The following COL12A1 variants were observed in gnomAD, a reference collection of about 807,000 sequenced individuals.
COL12A1 encodes the protein collagen type XII alpha 1 chain.
In COL12A1, 114 loss-of-function variants were observed where a neutral mutation model predicts 349.7. The ratio of observed to expected loss-of-function variants is 0.33; its 90% CI spans 0.28 to 0.38. The LOEUF (loss-of-function observed/expected upper bound fraction) is 0.38, where lower values mean the gene tolerates loss of function less well. Ranked by LOEUF, COL12A1 falls within the 10% of genes least tolerant of loss-of-function variation. The pLI is 1.00. For missense variants in COL12A1, 3,284 were observed against 3,756.9 expected (o/e 0.87, Z 3.29); for synonymous variants, 1,369 against 1,329.0 (o/e 1.03, Z -0.66).
In COL12A1 at chr6:75,189,369, T is replaced by A. The variant is rs1329234707; in HGVS notation, c.671A>T (p.Asp224Val). The change falls in exon 7 of 66, where the codon GAT becomes GTT. Residue 224 changes from aspartate (D) to valine (V), a missense_variant. Transcript: ENST00000322507. ...GGNTMTGDAI[D>V]YLVKNTFTES... is the part of the protein sequence containing the mutation. The stretch of plus-strand genomic sequence containing the variant: ...CGTGAAAGTATTTTTAACTAAATAA[T>A]CAATGGCATCCCCTAAAGGGAAAAG... 6.2e-7 allele frequency: 1 copy of A among 1,612,604 alleles called. No homozygotes were observed. Among genetic ancestry groups the A allele is most frequent in the South Asian group, 1.1e-5 (1 of 90,984 alleles).
At position 75,130,202 on chromosome 6, in the gene COL12A1, G is replaced by C. The variant is rs1562178802; in HGVS notation, c.6099C>G (p.Val2033=). 1 of 1,613,942 alleles carries C rather than the reference G, an allele frequency of 6.2e-7. No individual in the cohort carries two copies. The highest frequency in any genetic ancestry group is 1.1e-5 in the South Asian group (1 of 91,032). The stretch of plus-strand genomic sequence containing the variant: ...AGAGGCTATTGGTTGTTTCACCAAA[G>C]ACTCTCAGGTTCCTTGGTCCACTGC... ...LPRSGPRNLR[V]FGETTNSLSV... is the part of the protein sequence containing the mutation. Residue 2033 remains valine (V), a synonymous_variant, in exon 37 of 66, where the codon GTC becomes GTG. Coordinates refer to ENST00000322507, the MANE Select transcript of COL12A1 (RefSeq NM_004370.6).
chr6:75,151,703 A>G (rs1043485367), intron 20 of COL12A1, among the ~76,000 whole-genome samples, 164 bp downstream of exon 20: 1 of 152,198 alleles, frequency 6.6e-6, no homozygotes, highest in Non-Finnish European at 1.5e-5. Context: ...CCCCAAAAAA[A>G]GAAGAAAAAA....
chr6:75,150,528 A>G (rs1767428277), intron 21 of COL12A1, among the ~76,000 whole-genome samples: 1 of 152,204 alleles, frequency 6.6e-6, no homozygotes, highest in African/African-American at 2.4e-5. Context: ...TTTAGGGATT[A>G]TAAGTGTAAA....
chr6:75,166,270 T>C (rs1332162681), intron 13 of COL12A1, among the ~76,000 whole-genome samples: 2 of 152,192 alleles, frequency 1.3e-5, no homozygotes, highest in Non-Finnish European at 2.9e-5. Flanking sequence ...CTCATATCAC[T>C]TACAAAACTT....
rs148514003 is a variant in COL12A1, at chr6:75,198,954, G to A, written c.73+3766C>T. ...GTGATGAGTTAACTATATTCTATAG[G>A]CATTAATTTACATTTGCCATGCAAA... On this transcript the variant is annotated intron_variant, in intron 2 of 65. Transcript: ENST00000322507. Among the ~76,000 whole-genome samples, 809 of 152,146 alleles carry A rather than the reference G, an allele frequency of 5.3e-3. 8 individuals are homozygous for A. The highest frequency in any genetic ancestry group is 0.018 in the African/African-American group (763 of 41,508).
chr6:75,134,049 A>G (rs1302593354), intron 32 of COL12A1, 52 bp from the exon 33 acceptor site: 5 of 1,569,910 alleles, frequency 3.2e-6, no homozygotes, highest in Non-Finnish European at 4.3e-6. Context: ...TCAAGCACAC[A>G]TGAAACACAG....
intron 8 of COL12A1, among the ~76,000 whole-genome samples, chr6:75,185,637 C>G (rs1461457859): frequency 1.3e-5 from 2 of 152,080 alleles, no homozygotes; most frequent in Non-Finnish European, 2.9e-5. Context: ...TCATATGGAA[C>G]AAAAAAGAAT....
At chr6:75,157,877 A>G (rs1460228993) in intron 14 of COL12A1, among the ~76,000 whole-genome samples, 1 of 152,134 alleles carries the variant, frequency 6.6e-6, no homozygotes, top group Admixed American at 6.6e-5. Flanking sequence ...AAACCTCACA[A>G]CTGTAGGGAG....
intron 21 of COL12A1, among the ~76,000 whole-genome samples, chr6:75,149,724 T>C (rs1352605540): frequency 1.3e-5 from 2 of 152,176 alleles, no homozygotes; most frequent in Non-Finnish European, 2.9e-5. Flanking sequence ...GCCTTTCCAT[T>C]CTTAGTATCT....
intron 2 of COL12A1, among the ~76,000 whole-genome samples, chr6:75,196,018 CT>C (rs1770211194): frequency 6.6e-6 from 1 of 152,152 alleles, no homozygotes; most frequent in African/African-American, 2.4e-5. Flanking sequence ...GAAATGTTGA[CT>C]TGTTTTTAGT....
intron 35 of COL12A1, 130 bp downstream of exon 35, chr6:75,131,810 A>G (rs1766311822): frequency 1.9e-6 from 2 of 1,036,872 alleles, no homozygotes; most frequent in Admixed American, 5.7e-5. Flanking sequence ...ACCTCAAGTC[A>G]TCAAAAACAA....
intron 56 of COL12A1, 145 bp downstream of exon 56, chr6:75,102,452 C>T: frequency 1.9e-6 from 1 of 521,298 alleles, no homozygotes; most frequent in South Asian, 5.0e-5. Context: ...TCTAAAATAA[C>T]AGTCATCATA....
At chr6:75,180,751 GT>G (rs1413367779) in intron 11 of COL12A1, among the ~76,000 whole-genome samples, 187 bp downstream of exon 11, 5 of 151,926 alleles carry the variant, frequency 3.3e-5, no homozygotes, top group African/African-American at 1.2e-4. Context: ...GAAGTCTAAG[GT>G]TTTTTACTTA....
At position 75,165,823 on chromosome 6, in the gene COL12A1, T is replaced by C. The variant is rs755608269; in HGVS notation, c.2711-44A>G. The stretch of plus-strand genomic sequence containing the variant: ...GGGAATCTTTTTTAAAAATGTCTAG[T>C]AGGTATTTAAGTATTATATTCATTG... On this transcript the variant is annotated intron_variant, in intron 13 of 65. Coordinates refer to ENST00000322507, the MANE Select transcript of COL12A1 (RefSeq NM_004370.6). 2.6e-6 allele frequency: 4 copies of C among 1,568,612 alleles called. No individual in the cohort carries two copies. In the African/African-American group the frequency reaches 4.1e-5, roughly 16 times the overall value.
rs760479980 is a variant in COL12A1 at position 75,125,169 on chromosome 6, C to T, written c.6565G>A (p.Asp2189Asn). The T allele has an allele frequency of 3.1e-6, 5 of 1,612,450 alleles. No individual in the cohort carries two copies. Among genetic ancestry groups the T allele is most frequent in the Non-Finnish European group, 4.2e-6 (5 of 1,179,064 alleles). The stretch of plus-strand genomic sequence containing the variant: ...GTCAAGGGGACACTGAGTCCAGAAT[C>T]ATATTGAGCATAAACATTCACATCG... ...TYDVNVYAQY[D>N]SGLSVPLTDQ... Residue 2189 changes from aspartate to asparagine, a missense_variant, in exon 40 of 66, where the codon GAT becomes AAT. This residue lies in a region of COL12A1 where 2,601 missense variants were observed against 2,824.8 expected (regional missense o/e 0.92). Transcript: ENST00000322507.
intron 63 of COL12A1, 72 bp from the exon 64 acceptor site, chr6:75,089,246 T>A (rs990502214): frequency 1.1e-5 from 12 of 1,096,918 alleles, no homozygotes; most frequent in Non-Finnish European, 1.6e-5. Flanking sequence ...TCTTAACTGA[T>A]AATATTTGAT....
chr6:75,158,747 A>C (rs1767882836), intron 14 of COL12A1, among the ~76,000 whole-genome samples: 1 of 152,136 alleles, frequency 6.6e-6, no homozygotes, highest in African/African-American at 2.4e-5. Context: ...TGAAAAATAC[A>C]TGAGATAATA....
intron 14 of COL12A1, among the ~76,000 whole-genome samples, chr6:75,160,398 T>C (rs1214112207): frequency 6.6e-6 from 1 of 152,194 alleles, no homozygotes; most frequent in African/African-American, 2.4e-5. Flanking sequence ...ATTCCCAAAA[T>C]GCCCTCTTGG....
At chr6:75,201,402 A>C (rs1770518187) in intron 2 of COL12A1, among the ~76,000 whole-genome samples, 2 of 152,202 alleles carry the variant, frequency 1.3e-5, no homozygotes, top group Admixed American at 1.3e-4. Flanking sequence ...TTAACATGCC[A>C]TACATTTTGG....
Sources: gnomAD v4.1 joint callset for allele counts (sites outside exome capture counted in the v4.1 genomes callset) on GRCh38, gnomAD v4.1.1 for gene constraint, gnomAD v4.1.1 regional missense constraint, MANE v1.5 for transcripts, NCBI Gene and HGNC (gene_info 2026-07-23, HGNC 2026-07-21) for gene names.